ST7: variants seen among roughly 807,000 people sequenced by gnomAD.
ST7 encodes suppression of tumorigenicity 7, also known as suppressor of tumorigenicity 7 protein.
In ST7, 28 loss-of-function variants were observed where a neutral mutation model predicts 78.7. The ratio of observed to expected loss-of-function variants is 0.36; its 90% CI spans 0.26 to 0.49. ST7 has a LOEUF of 0.49. Among genes scored for constraint, ST7 ranks in the 20% least tolerant of loss-of-function variants. ST7 has a pLI of 0.99. For missense variants in ST7, 418 were observed against 696.0 expected (o/e 0.60, Z 4.49); for synonymous variants, 247 against 249.6 (o/e 0.99, Z 0.10).
chr7:116,959,764 A>T (rs752009813), intron 1 of ST7: 7 of 152,186 alleles, frequency 4.6e-5, no homozygotes, highest in Non-Finnish European at 7.3e-5. Context: ...GTTGCCCTTA[A>T]TTATTTTTGG....
At chr7:116,978,765 T>G (rs1340616278) in intron 1 of ST7, among the ~76,000 whole-genome samples, 1 of 152,112 alleles carries the variant, frequency 6.6e-6, no homozygotes, top group Non-Finnish European at 1.5e-5. Context: ...TTTTGTATTT[T>G]TAGTAGAGAC....
intron 13 of ST7, among the ~76,000 whole-genome samples, chr7:117,214,252 C>T (rs1243672069): frequency 1.3e-5 from 2 of 151,892 alleles, no homozygotes; most frequent in Admixed American, 1.3e-4. Flanking sequence ...TTTTTTTCTA[C>T]TTGACCAAGT....
intron 15 of ST7, among the ~76,000 whole-genome samples, chr7:117,225,531 C>G (rs1209753544): frequency 6.6e-6 from 1 of 152,188 alleles, no homozygotes; most frequent in East Asian, 1.9e-4. Context: ...CCTCCTCGAC[C>G]TGCCCCCAGA....
Position 117,152,205 on chromosome 7 carries a change from AT to A in ST7, c.963+13674del, listed in dbSNP as rs1408718559. Among the ~76,000 whole-genome samples, 5 of 96,268 alleles carry A rather than the reference AT, an allele frequency of 5.2e-5. 1 individual carries two copies. Among genetic ancestry groups the A allele is most frequent in the Non-Finnish European group, 1.2e-4 (5 of 41,754 alleles). 63.2% of individuals were successfully genotyped at this position (96,268 alleles called of 152,430 possible). On this transcript the variant is annotated intron_variant, in intron 9 of 15. Coordinates refer to ENST00000323984, the MANE Select transcript of ST7 (RefSeq NM_001369598.1). The stretch of plus-strand genomic sequence containing the variant: ...TATATATATATATATATATATATAT[AT>A]ATATATATATATATATACCATGAAC...
chr7:116,997,445 A>T (rs1794719570), intron 1 of ST7, among the ~76,000 whole-genome samples: 1 of 152,236 alleles, frequency 6.6e-6, no homozygotes. Context: ...TGAGCTAGAC[A>T]CAAAAGTTCT....
At position 117,113,057 on chromosome 7, in the gene ST7, G is replaced by A. The variant is rs546171469; in HGVS notation, c.235-6504G>A. Among the ~76,000 whole-genome samples, 16 of 152,248 alleles carry A rather than the reference G, an allele frequency of 1.1e-4. No homozygotes were observed. In the South Asian group the frequency reaches 1.7e-3, roughly 16 times the overall value. On this transcript the variant is annotated intron_variant, in intron 2 of 15. Coordinates refer to ENST00000323984, the MANE Select transcript of ST7 (RefSeq NM_001369598.1). Reference sequence around the variant, plus strand: ...TGAAGAAGGTGAATGAGCTAATGGCGGATAAAGGGACAAAACTGCCATTTT... The same window carrying A: ...TGAAGAAGGTGAATGAGCTAATGGCAGATAAAGGGACAAAACTGCCATTTT...
chr7:117,135,286 A>C (rs1429491051), intron 7 of ST7, among the ~76,000 whole-genome samples: 1 of 152,064 alleles, frequency 6.6e-6, no homozygotes, highest in Non-Finnish European at 1.5e-5. Flanking sequence ...GTTGTTGAAA[A>C]GATTATATGA....
At chr7:117,193,528 T>C (rs1305764482) in intron 12 of ST7, among the ~76,000 whole-genome samples, 1 of 152,192 alleles carries the variant, frequency 6.6e-6, no homozygotes, top group East Asian at 1.9e-4. Flanking sequence ...ATACAGCAAA[T>C]AAATGACAGA....
At chr7:117,222,127 C>A in intron 15 of ST7, 65 bp downstream of exon 15, 1 of 1,519,432 alleles carries the variant, frequency 6.6e-7, no homozygotes, top group Non-Finnish European at 8.8e-7. Context: ...ATAAAAGCAG[C>A]GTGAGAGAAA....
intron 3 of ST7, among the ~76,000 whole-genome samples, chr7:117,122,223 T>C (rs961096036): frequency 4.6e-5 from 7 of 152,094 alleles, no homozygotes; most frequent in Admixed American, 2.6e-4. Flanking sequence ...AAACAGGACA[T>C]ATGGGAAAGG....
chr7:117,029,069 A>G (rs1037299943), intron 1 of ST7, among the ~76,000 whole-genome samples: 4 of 152,326 alleles, frequency 2.6e-5, no homozygotes, highest in Non-Finnish European at 4.4e-5. Flanking sequence ...CTATAAATAT[A>G]TATGCTGCAT....
intron 13 of ST7, among the ~76,000 whole-genome samples, chr7:117,216,434 T>C (rs906772910): frequency 6.6e-6 from 1 of 152,234 alleles, no homozygotes; most frequent in Non-Finnish European, 1.5e-5. Flanking sequence ...TAGGTCTGTA[T>C]TCATTCATAA....
At chr7:117,008,423 A>G (rs1387211979) in intron 1 of ST7, among the ~76,000 whole-genome samples, 3 of 152,166 alleles carry the variant, frequency 2.0e-5, no homozygotes, top group African/African-American at 4.8e-5. Context: ...CACTATGAGT[A>G]TGTTTTATAG....
At chr7:117,031,378 G>GTGTATA (rs113924408) in intron 1 of ST7, among the ~76,000 whole-genome samples, 1 of 16,050 alleles carries the variant, frequency 6.2e-5, no homozygotes, top group African/African-American at 1.3e-4. Context: ...GTATATGTGT[G>GTGTATA]TATATATGTG....
chr7:117,136,975 A>G (rs1244237015), intron 8 of ST7: 1 of 152,138 alleles, frequency 6.6e-6, no homozygotes, highest in African/African-American at 2.4e-5. Flanking sequence ...TTGTTGAAGC[A>G]GAAATTTAGC....
rs1202182495 is a variant in ST7, at chr7:117,190,480, C to G, written c.1152-354C>G. Among the ~76,000 whole-genome samples the G allele has an allele frequency of 1.3e-5, 2 of 152,200 alleles. No homozygotes were observed. Among genetic ancestry groups the G allele is most frequent in the Non-Finnish European group, 2.9e-5 (2 of 68,030 alleles). On this transcript the variant is annotated intron_variant, in intron 11 of 15. Coordinates refer to ENST00000323984, the MANE Select transcript of ST7 (RefSeq NM_001369598.1). The surrounding 1 kb of genome is among the most constrained non-coding windows in gnomAD (Gnocchi z 5.2). ...CCAGTTCTGTTTTTAACCAAGTGCG[C>G]TCTTCTGTAACCTAGTTTTCTCTTT... is the stretch of plus-strand genomic sequence containing the variant.
intron 1 of ST7, among the ~76,000 whole-genome samples, chr7:116,978,621 T>C (rs577950126): frequency 6.6e-6 from 1 of 152,332 alleles, no homozygotes; most frequent in East Asian, 1.9e-4. Flanking sequence ...AGTCTTTCTC[T>C]GTTGCCCAGA....
intron 1 of ST7, among the ~76,000 whole-genome samples, chr7:117,030,799 A>G (rs970609832): frequency 1.3e-5 from 2 of 152,170 alleles, no homozygotes; most frequent in Admixed American, 1.3e-4. Flanking sequence ...AGAACCAAAA[A>G]CAGGATTAAC....
chr7:117,182,452 A>T (rs911037095), intron 10 of ST7, among the ~76,000 whole-genome samples: 2 of 152,256 alleles, frequency 1.3e-5, no homozygotes, highest in Non-Finnish European at 2.9e-5. Flanking sequence ...TTAAGATTTA[A>T]TGGCTCAGAT....
Sources: gnomAD v4.1 joint callset for allele counts (sites outside exome capture counted in the v4.1 genomes callset) on GRCh38, gnomAD v4.1.1 for gene constraint, Gnocchi (gnomAD v3.1) non-coding constraint, MANE v1.5 for transcripts, NCBI Gene and HGNC (gene_info 2026-07-23, HGNC 2026-07-21) for gene names.